BCO1: variants seen among roughly 807,000 people sequenced by gnomAD.
The protein encoded by BCO1 is beta,beta-carotene 15,15'-dioxygenase.
A neutral mutation model predicts 56.3 loss-of-function variants in BCO1; 54 were observed. The ratio of observed to expected loss-of-function variants is 0.96; its 90% CI spans 0.77 to 1.20. BCO1 has a LOEUF of 1.20. BCO1 is among the 50% of genes most tolerant of loss of function. BCO1 has a pLI of 0.00. For synonymous variants in BCO1, 318 were observed against 266.1 expected, an observed-to-expected ratio of 1.20 and a Z score of -1.90; for missense variants, 801 against 690.9, an observed-to-expected ratio of 1.16 and a Z score of -1.79.
intron 2 of BCO1, among the ~76,000 whole-genome samples, chr16:81,252,024 C>G (rs888608609): frequency 9.2e-5 from 14 of 151,928 alleles, no homozygotes. Context: ...CTCCTGAAAG[C>G]AGACTGCTGG....
rs182392536 is a variant in BCO1, at chr16:81,280,417, C to T, written c.1102-440C>T. On this transcript the variant is annotated intron_variant, in intron 7 of 10. Transcript: ENST00000258168. ...AATGTGGTTGAGCTCAGACTGCATACGCAATTTGTCCTGTTGCTGCTTTTA... is the reference window on the plus strand; with the variant it reads ...AATGTGGTTGAGCTCAGACTGCATATGCAATTTGTCCTGTTGCTGCTTTTA... 4.0e-5 allele frequency among the ~76,000 whole-genome samples: 6 copies of T among 151,530 alleles called. No homozygotes were observed. The East Asian group carries it at 7.8e-4, about 20-fold the overall frequency.
In BCO1 at chr16:81,238,902, C is replaced by A; in HGVS notation, c.-7C>A. On this transcript the variant is annotated 5_prime_UTR_variant, in exon 1 of 11. The change creates a new upstream start codon in the 5' untranslated region. Coordinates refer to ENST00000258168, the MANE Select transcript of BCO1 (RefSeq NM_017429.3). ...GTTAAAATCGATCTCCCTCGGCACC[C>A]TGAGCAATGGATATAATATTTGGCA... 6.2e-7 allele frequency: 1 copy of A among 1,613,972 alleles called. No individual in the cohort carries two copies. The highest frequency in any genetic ancestry group is 1.1e-5 in the South Asian group (1 of 91,060).
intron 8 of BCO1, among the ~76,000 whole-genome samples, chr16:81,284,311 TAC>T (rs1908052644): frequency 6.8e-6 from 1 of 146,360 alleles, no homozygotes; most frequent in South Asian, 2.1e-4. Context: ...CACACACATT[TAC>T]AGAGAAAAAA....
At chr16:81,280,443 C>G (rs1318205995) in intron 7 of BCO1, among the ~76,000 whole-genome samples, 1 of 152,040 alleles carries the variant, frequency 6.6e-6, no homozygotes, top group Non-Finnish European at 1.5e-5. Flanking sequence ...GCTGCTTTTA[C>G]TCAGTGTTAT....
At chr16:81,272,614 G>C (rs1250770929) in intron 7 of BCO1, among the ~76,000 whole-genome samples, 3 of 151,894 alleles carry the variant, frequency 2.0e-5, no homozygotes, top group South Asian at 2.1e-4. Context: ...CCCCAATTAG[G>C]GTGATGTGGC....
chr16:81,285,100 A>G (rs1022077819), intron 8 of BCO1, among the ~76,000 whole-genome samples: 1 of 152,124 alleles, frequency 6.6e-6, no homozygotes, highest in African/African-American at 2.4e-5. Context: ...TCGGCCTCCC[A>G]AAGTGCTGAG....
At chr16:81,271,992 C>G (rs1907246777) in intron 7 of BCO1, among the ~76,000 whole-genome samples, 1 of 152,096 alleles carries the variant, frequency 6.6e-6, no homozygotes, top group Admixed American at 6.6e-5. Context: ...GGCAATCTGC[C>G]CCCCTACGTC....
At chr16:81,254,224 G>T (rs1041741525) in intron 2 of BCO1, among the ~76,000 whole-genome samples, 1 of 151,256 alleles carries the variant, frequency 6.6e-6, no homozygotes, top group Non-Finnish European at 1.5e-5. Flanking sequence ...TGCCTCCTGG[G>T]TTCAAGCAAT....
chr16:81,262,507 C>G (rs546163113), intron 4 of BCO1: 11 of 546,798 alleles, frequency 2.0e-5, no homozygotes, highest in South Asian at 1.3e-4. Flanking sequence ...CTGATGTAAC[C>G]AAGTCCTACA....
In BCO1 at chr16:81,290,374, A is replaced by G; in HGVS notation, c.1441A>G (p.Thr481Ala). The change falls in exon 11 of 11, where the codon ACT (threonine) becomes GCT (alanine). Residue 481 changes from threonine to alanine, a missense_variant. Thr to Ala is a moderately conservative substitution (Grantham distance 58, BLOSUM62 0). Transcript: ENST00000258168. ...DGVILSAIVS[T>A]DPQKLPFLLI... ...AGTAATCTTATCAGCCATTGTCTCT[A>G]CTGATCCCCAAAAGCTGCCTTTTCT... is the stretch of plus-strand genomic sequence containing the variant. 2 of 1,614,072 alleles carry G rather than the reference A, an allele frequency of 1.2e-6. No individual in the cohort carries two copies. The highest frequency in any genetic ancestry group is 1.7e-6 in the Non-Finnish European group (2 of 1,179,974).
chr16:81,272,736 T>G (rs1451969070), intron 7 of BCO1, among the ~76,000 whole-genome samples: 2 of 152,256 alleles, frequency 1.3e-5, no homozygotes, highest in African/African-American at 4.8e-5. Flanking sequence ...AATTAAATGT[T>G]GATGGCTTAC....
chr16:81,242,240 C>T lies in BCO1; in HGVS notation c.65-3235C>T, dbSNP rs994521939. ...TTTGAGGCGGAGTTTCACTCTGTCG[C>T]CCAGGCAAGAGTGCAATGGCGCAAT... On this transcript the variant is annotated intron_variant, in intron 1 of 10. Transcript: ENST00000258168. 1.2e-3 allele frequency among the ~76,000 whole-genome samples: 174 copies of T among 146,626 alleles called. 1 individual carries two copies. The highest frequency in any genetic ancestry group is 4.0e-3 in the African/African-American group (156 of 39,374).
intron 2 of BCO1, among the ~76,000 whole-genome samples, chr16:81,250,578 CTTTT>C (rs530676028): frequency 9.5e-6 from 1 of 105,482 alleles, no homozygotes. Context: ...CTCAATAAAG[CTTTT>C]TTTTTTTTTT....
intron 7 of BCO1, among the ~76,000 whole-genome samples, chr16:81,275,307 G>C (rs970904227): frequency 1.3e-5 from 2 of 152,204 alleles, no homozygotes; most frequent in African/African-American, 4.8e-5. Flanking sequence ...CCCCTGGAGA[G>C]CCCTGAGACC....
rs767063369 is a variant in BCO1 at position 81,287,413 on chromosome 16, C to T, written c.1414+7C>T. The stretch of plus-strand genomic sequence containing the variant: ...GCCAAGGATGAGGATGACGGTAAGA[C>T]TCTAAGAAGCCACGCCTAGTTGCTG... On this transcript the variant is annotated splice_region_variant and intron_variant, in intron 10 of 10. Transcript: ENST00000258168. 47 of 1,609,244 alleles carry T rather than the reference C, an allele frequency of 2.9e-5. 2 individuals carry two copies. The South Asian group carries it at 4.7e-4, about 16-fold the overall frequency.
intron 9 of BCO1, among the ~76,000 whole-genome samples, chr16:81,286,843 G>C (rs1908209958): frequency 6.6e-6 from 1 of 151,564 alleles, no homozygotes. Context: ...CTGGGAGGCT[G>C]AGGTGGGCGG....
intron 10 of BCO1, 58 bp downstream of exon 10, chr16:81,287,464 C>T (rs1277845505): frequency 1.5e-6 from 2 of 1,364,642 alleles, no homozygotes; most frequent in South Asian, 1.2e-5. Flanking sequence ...CGCCCTCCAA[C>T]AGAGACACCA....
At chr16:81,287,870 A>G (rs773123597) in intron 10 of BCO1, among the ~76,000 whole-genome samples, 1 of 152,128 alleles carries the variant, frequency 6.6e-6, no homozygotes, top group Non-Finnish European at 1.5e-5. Context: ...GCCAGCCAGG[A>G]AGCTCCCCTG....
intron 2 of BCO1, among the ~76,000 whole-genome samples, chr16:81,257,503 G>T (rs1201204833): frequency 1.3e-5 from 2 of 151,756 alleles, no homozygotes; most frequent in Non-Finnish European, 2.9e-5. Flanking sequence ...GACCTCAGGT[G>T]ATCCACCCAC....
Sources: gnomAD v4.1 joint callset for allele counts (sites outside exome capture counted in the v4.1 genomes callset) on GRCh38, gnomAD v4.1.1 for gene constraint, MANE v1.5 for transcripts, NCBI Gene and HGNC (gene_info 2026-07-23, HGNC 2026-07-21) for gene names.